The following BAZ1A variants were observed in gnomAD, a reference collection of about 807,000 sequenced individuals.
BAZ1A encodes the protein bromodomain adjacent to zinc finger domain protein 1A.
In BAZ1A, 50 loss-of-function variants were observed where a neutral mutation model predicts 185.2. The ratio of observed to expected loss-of-function variants is 0.27; its 90% CI spans 0.22 to 0.34. The LOEUF is 0.34. BAZ1A is among the 10% of genes least tolerant of loss of function. The probability of loss-of-function intolerance (pLI) is 1.00; values close to 1 mark genes in which losing one functional copy is unlikely to be tolerated. For missense variants in BAZ1A, 1,356 were observed against 1,839.9 expected (o/e 0.74, Z 4.81); for synonymous variants, 571 against 615.6 (o/e 0.93, Z 1.07).
chr14:34,765,840 T>C (rs1437682390), intron 21 of BAZ1A, among the ~76,000 whole-genome samples: 2 of 152,204 alleles, frequency 1.3e-5, no homozygotes, highest in Non-Finnish European at 2.9e-5. Flanking sequence ...AATTTAATCA[T>C]CTGATTAAAT....
intron 24 of BAZ1A, among the ~76,000 whole-genome samples, chr14:34,760,298 A>G (rs1453169689): frequency 1.3e-5 from 2 of 152,196 alleles, no homozygotes; most frequent in Non-Finnish European, 2.9e-5. Flanking sequence ...AGCAAAACAG[A>G]TAAGTGGATA....
intron 5 of BAZ1A, among the ~76,000 whole-genome samples, chr14:34,809,728 T>G (rs895692793): frequency 6.6e-6 from 1 of 152,106 alleles, no homozygotes; most frequent in Non-Finnish European, 1.5e-5. Flanking sequence ...AGCAGAATAA[T>G]TATATTTAAA....
intron 16 of BAZ1A, among the ~76,000 whole-genome samples, chr14:34,781,028 ACAGG>A (rs1447994123): frequency 6.6e-6 from 1 of 152,160 alleles, no homozygotes; most frequent in Admixed American, 6.6e-5. Context: ...GAAATAGTAA[ACAGG>A]CAGAATGAAC....
chr14:34,766,686 CAT>C (rs932685983), intron 21 of BAZ1A, among the ~76,000 whole-genome samples: 5 of 152,180 alleles, frequency 3.3e-5, no homozygotes, highest in African/African-American at 1.2e-4. Flanking sequence ...CCCAAAAAAA[CAT>C]AGGCTAAGAT....
chr14:34,761,324 T>C (rs1330140791), intron 24 of BAZ1A, among the ~76,000 whole-genome samples: 1 of 152,092 alleles, frequency 6.6e-6, no homozygotes, highest in Non-Finnish European at 1.5e-5. Flanking sequence ...TTCCTAAAAA[T>C]ATTACTGCTT....
At chr14:34,760,113 T>C (rs532817950) in intron 24 of BAZ1A, among the ~76,000 whole-genome samples, 126 of 152,344 alleles carry the variant, frequency 8.3e-4, no homozygotes, top group African/African-American at 2.9e-3. Flanking sequence ...TGTATTCAGA[T>C]GTATAAATTC....
At position 34,862,329 on chromosome 14, in the gene BAZ1A, A is replaced by AAAAAAC. The variant is rs541104722; in HGVS notation, c.114-13_114-8dup. Reference sequence around the variant, plus strand: ...GGTTCGTTCAAAAAAGTCACTGATTAAAAAACAAAAACAAAAACAAAAGCC... The same window carrying AAAAAAC: ...GGTTCGTTCAAAAAAGTCACTGATTAAAAAACAAAAACAAAAACAAAAACAAAAGCC... On this transcript the variant is annotated splice_polypyrimidine_tract_variant and splice_region_variant and intron_variant, in intron 2 of 26. Transcript: ENST00000360310. The AAAAAAC allele has an allele frequency of 3.2e-6, 5 of 1,583,938 alleles. No individual in the cohort carries two copies. Among genetic ancestry groups the AAAAAAC allele is most frequent in the East Asian group, 2.2e-5 (1 of 44,544 alleles).
chr14:34,872,575 T>C (rs2042965259), intron 2 of BAZ1A, among the ~76,000 whole-genome samples: 1 of 152,194 alleles, frequency 6.6e-6, no homozygotes, highest in Non-Finnish European at 1.5e-5. Flanking sequence ...CACTCCAGCC[T>C]GGGCGACAGA....
chr14:34,848,983 A>C (rs944653786), intron 3 of BAZ1A, among the ~76,000 whole-genome samples: 4 of 152,186 alleles, frequency 2.6e-5, no homozygotes, highest in Non-Finnish European at 5.9e-5. Context: ...CAGTTTAACC[A>C]GTTCATGTAA....
intron 3 of BAZ1A, among the ~76,000 whole-genome samples, chr14:34,855,424 C>T (rs974545083): frequency 6.6e-6 from 1 of 152,180 alleles, no homozygotes; most frequent in Non-Finnish European, 1.5e-5. Flanking sequence ...TACAGCAGCA[C>T]CAGAGTCACT....
intron 2 of BAZ1A, among the ~76,000 whole-genome samples, chr14:34,866,934 T>C (rs1281680963): frequency 6.7e-6 from 1 of 148,788 alleles, no homozygotes; most frequent in Non-Finnish European, 1.5e-5. Flanking sequence ...ATTTTAAAAA[T>C]TAAGATACTT....
At chr14:34,856,200 A>G (rs1417656937) in intron 3 of BAZ1A, among the ~76,000 whole-genome samples, 1 of 152,040 alleles carries the variant, frequency 6.6e-6, no homozygotes, top group Non-Finnish European at 1.5e-5. Flanking sequence ...GCCACACTGA[A>G]CTTGGATGCT....
chr14:34,833,673 T>A (rs2042285902), intron 3 of BAZ1A, among the ~76,000 whole-genome samples: 1 of 152,034 alleles, frequency 6.6e-6, no homozygotes, highest in African/African-American at 2.4e-5. Context: ...GAATAAAGGT[T>A]ACCAGAAGCT....
chr14:34,803,301 T>C (rs1172030823), intron 6 of BAZ1A, among the ~76,000 whole-genome samples: 1 of 149,736 alleles, frequency 6.7e-6, no homozygotes, highest in Non-Finnish European at 1.5e-5. Flanking sequence ...ATCACTTGAA[T>C]CTGGGAGGTG....
rs543292161 is a variant in BAZ1A, at chr14:34,811,843, T to C, written c.537-807A>G. Among the ~76,000 whole-genome samples the C allele has an allele frequency of 1.2e-3, 187 of 152,330 alleles. 1 individual carries two copies. Among genetic ancestry groups the C allele is most frequent in the Middle Eastern group, 3.4e-3 (1 of 294 alleles). On this transcript the variant is annotated intron_variant, in intron 4 of 26. Coordinates refer to ENST00000360310, the MANE Select transcript of BAZ1A (RefSeq NM_013448.3). ...AAATAAAAAAAGTTCTTGGATTTGC[T>C]TTTAAACTTTATTTACAGCTATATA... is the stretch of plus-strand genomic sequence containing the variant.
intron 12 of BAZ1A, among the ~76,000 whole-genome samples, chr14:34,788,271 G>C (rs1324318780): frequency 1.3e-5 from 2 of 151,888 alleles, no homozygotes; most frequent in Non-Finnish European, 2.9e-5. Context: ...CATATTGCTT[G>C]GATTACAAGC....
chr14:34,810,838 TCA>T, intron 5 of BAZ1A, 95 bp downstream of exon 5: 1 of 817,934 alleles, frequency 1.2e-6, no homozygotes, highest in South Asian at 1.5e-5. Flanking sequence ...AGGAAAGCAA[TCA>T]CAGTACTTCC....
chr14:34,806,118 AT>A (rs1403022834), intron 6 of BAZ1A, among the ~76,000 whole-genome samples: 2 of 151,930 alleles, frequency 1.3e-5, no homozygotes, highest in East Asian at 3.8e-4. Context: ...CCAAGTGTCC[AT>A]TTTTATTTAT....
chr14:34,839,704 G>A (rs1392972155), intron 3 of BAZ1A, among the ~76,000 whole-genome samples: 4 of 151,050 alleles, frequency 2.6e-5, no homozygotes, highest in Admixed American at 6.6e-5. Context: ...TTAGCTGGGC[G>A]TGGTGGCGGG....
Sources: gnomAD v4.1 joint callset for allele counts (sites outside exome capture counted in the v4.1 genomes callset) on GRCh38, gnomAD v4.1.1 for gene constraint, MANE v1.5 for transcripts, NCBI Gene and HGNC (gene_info 2026-07-23, HGNC 2026-07-21) for gene names.